The following ECT2 variants were observed in gnomAD, a reference collection of about 807,000 sequenced individuals.
The protein encoded by ECT2 is protein ECT2.
A neutral mutation model predicts 116.9 loss-of-function variants in ECT2; 61 were observed. The ratio of observed to expected loss-of-function variants is 0.52; its 90% confidence interval spans 0.42 to 0.65. The LOEUF (loss-of-function observed/expected upper bound fraction) is 0.65, where lower values mean the gene tolerates loss of function less well. ECT2 is among the 30% of genes least tolerant of loss of function. The probability of loss-of-function intolerance (pLI) is 0.00; values close to 1 mark genes in which losing one functional copy is unlikely to be tolerated. For missense variants in ECT2, 937 were observed against 1,078.7 expected (o/e 0.87, Z 1.84); for synonymous variants, 358 against 346.4 (o/e 1.03, Z -0.37).
intron 22 of ECT2, among the ~76,000 whole-genome samples, chr3:172,814,718 T>C (rs952859601): frequency 6.6e-6 from 1 of 152,160 alleles, no homozygotes; most frequent in Non-Finnish European, 1.5e-5. Flanking sequence ...AATGTGATGT[T>C]TTGATACATG....
chr3:172,825,566 G>C (rs1730821445), downstream of ECT2, among the ~76,000 whole-genome samples: 1 of 152,148 alleles, frequency 6.6e-6, no homozygotes, highest in African/African-American at 2.4e-5. Context: ...AAGAAAGTTT[G>C]AATGGTCTAG....
At chr3:172,827,133 C>T in the ECT2 span, among the ~76,000 whole-genome samples, 98 of 152,080 alleles carry the variant, frequency 6.4e-4, no homozygotes, top group Non-Finnish European at 1.2e-3. Context: ...GAACAAGCAC[C>T]GAGGGATGTT....
intron 1 of ECT2, among the ~76,000 whole-genome samples, chr3:172,753,963 T>C (rs575010679): frequency 6.6e-6 from 1 of 152,268 alleles, no homozygotes; most frequent in South Asian, 2.1e-4. Flanking sequence ...CTAAGGAAAC[T>C]GATGGTAAAG....
At chr3:172,777,316 G>A (rs1434726578) in intron 14 of ECT2, among the ~76,000 whole-genome samples, 1 of 152,110 alleles carries the variant, frequency 6.6e-6, no homozygotes, top group Non-Finnish European at 1.5e-5. Flanking sequence ...TTTACCCATT[G>A]TGTTTACACC....
chr3:172,828,900 T>G, the ECT2 span: 1 of 1,430,218 alleles, frequency 7.0e-7, no homozygotes, highest in Middle Eastern at 2.3e-4. Flanking sequence ...ATGATCAAGC[T>G]GCCAAACACA....
Position 172,784,746 on chromosome 3 carries a change from G to A in ECT2, c.1768G>A (p.Val590Ile), listed in dbSNP as rs758461325. The change falls in exon 17 of 25, where the codon GTT becomes ATT. Residue 590 changes from valine to isoleucine, a missense_variant. Transcript: ENST00000392692. ...ACCAGAATGTGGACGGCAGAGCCTT[G>A]TTGAACTTCTTATCCGACCAGTACA... is the stretch of plus-strand genomic sequence containing the variant. ...AKPECGRQSL[V>I]ELLIRPVQRL... 4 of 1,613,658 alleles carry A rather than the reference G, an allele frequency of 2.5e-6. No individual in the cohort carries two copies. Among genetic ancestry groups the A allele is most frequent in the East Asian group, 2.2e-5 (1 of 44,864 alleles).
intron 18 of ECT2, among the ~76,000 whole-genome samples, chr3:172,797,110 A>G (rs1007796889): frequency 6.8e-6 from 1 of 147,754 alleles, no homozygotes; most frequent in Admixed American, 6.8e-5. Flanking sequence ...ACTCACTGCA[A>G]CCTCCACTTC....
At chr3:172,755,220 C>A in intron 2 of ECT2, 75 bp from the exon 3 acceptor site, 6 of 1,151,714 alleles carry the variant, frequency 5.2e-6, no homozygotes, top group South Asian at 1.6e-5. Context: ...CTAGATATAG[C>A]CAAAAGAGCG....
chr3:172,801,705 G>T (rs1726751671), intron 18 of ECT2, among the ~76,000 whole-genome samples: 1 of 152,208 alleles, frequency 6.6e-6, no homozygotes, highest in African/African-American at 2.4e-5. Context: ...TTGCAGGGAA[G>T]AAACTTTCTT....
chr3:172,794,806 C>T (rs1469428871), intron 18 of ECT2, among the ~76,000 whole-genome samples: 1 of 152,148 alleles, frequency 6.6e-6, no homozygotes, highest in African/African-American at 2.4e-5. Flanking sequence ...TCTCCGCCTC[C>T]CGGGTTCAAG....
At chr3:172,776,578 A>G (rs183142281) in intron 14 of ECT2, among the ~76,000 whole-genome samples, 1 of 152,306 alleles carries the variant, frequency 6.6e-6, no homozygotes, top group East Asian at 1.9e-4. Context: ...TGAAACCGGT[A>G]CACACAGAGA....
rs1717156349 is a variant in ECT2, at chr3:172,757,165, G to A, written c.486G>A (p.Glu162=). 3 of 1,467,416 alleles carry A rather than the reference G, an allele frequency of 2.0e-6. No individual in the cohort carries two copies. The highest frequency in any genetic ancestry group is 1.5e-5 in the African/African-American group (1 of 68,328). The allele number at this position is 1,467,416 out of a possible 1,614,324, so 90.9% of individuals were successfully genotyped here. The change falls in exon 5 of 25, where the codon GAG becomes GAA. Residue 162 remains glutamate, a splice_region_variant and synonymous_variant. Transcript: ENST00000392692. Reference sequence around the variant, plus strand: ...TATTAAATTGTTCACAAAAAGGAGAGGTAAGCATATACATTTATTATGACT... The same window carrying A: ...TATTAAATTGTTCACAAAAAGGAGAAGTAAGCATATACATTTATTATGACT... ...PVVLNCSQKG[E]PLPFSCRPLY...
Position 172,755,493 on chromosome 3 carries a change from T to G in ECT2, c.221T>G (p.Ile74Arg). The G allele has an allele frequency of 1.3e-6, 2 of 1,505,330 alleles. No homozygotes were observed. Among genetic ancestry groups the G allele is most frequent in the Non-Finnish European group, 1.8e-6 (2 of 1,116,388 alleles). The allele number at this position is 1,505,330 out of a possible 1,614,324, so 93.2% of individuals were successfully genotyped here. A position where few individuals can be genotyped will look rare whatever the true frequency, so the allele number is the denominator to read the frequency against. ...ELIKALKTIK[I>R]MEVPVIKIKE... ...GTCTCTTTTCCACAGACTATTAAAA[T>G]AATGGAAGTCCCTGTTATAAAGATA... is the stretch of plus-strand genomic sequence containing the variant. Residue 74 changes from isoleucine (I) to arginine (R), a missense_variant, in exon 4 of 25, where the codon ATA becomes AGA. Coordinates refer to ENST00000392692, the MANE Select transcript of ECT2 (RefSeq NM_001258315.2).
chr3:172,760,732 T>G (rs1298624458), intron 7 of ECT2, among the ~76,000 whole-genome samples: 1 of 141,372 alleles, frequency 7.1e-6, no homozygotes, highest in Non-Finnish European at 1.5e-5. Flanking sequence ...TTTTTTTTTT[T>G]TTTTTTGAGA....
intron 23 of ECT2, among the ~76,000 whole-genome samples, chr3:172,816,389 G>A (rs1424152117): frequency 6.6e-6 from 1 of 152,106 alleles, no homozygotes. Context: ...AATGGAGGTT[G>A]AGGGGATTTT....
At chr3:172,794,939 T>G (rs1326827786) in intron 18 of ECT2, among the ~76,000 whole-genome samples, 3 of 152,070 alleles carry the variant, frequency 2.0e-5, no homozygotes, top group Non-Finnish European at 2.9e-5. Context: ...CTCGAACTCC[T>G]GACCTCAGAT....
chr3:172,813,839 CA>C (rs776206942), intron 22 of ECT2, among the ~76,000 whole-genome samples: 47 of 151,792 alleles, frequency 3.1e-4, no homozygotes, highest in African/African-American at 1.1e-3. Flanking sequence ...TCCTTTGAGA[CA>C]AAAAATTACA....
intron 1 of ECT2, among the ~76,000 whole-genome samples, chr3:172,752,954 T>C (rs1280327720): frequency 6.6e-6 from 1 of 152,224 alleles, no homozygotes; most frequent in Non-Finnish European, 1.5e-5. Context: ...GGTATTTGTA[T>C]ATTTTATTAA....
chr3:172,762,975 A>T lies in ECT2; in HGVS notation c.1068+3A>T, dbSNP rs200063253. The stretch of plus-strand genomic sequence containing the variant: ...AAACTATGTATTTATATGAAAAGGT[A>T]TGCTTTTAACCCCTTACTTATTTGT... On this transcript the variant is annotated splice_donor_region_variant and intron_variant, in intron 11 of 24. Transcript: ENST00000392692. 1.9e-5 allele frequency: 30 copies of T among 1,613,734 alleles called. No homozygotes were observed. Among genetic ancestry groups the T allele is most frequent in the Non-Finnish European group, 2.5e-5 (30 of 1,179,718 alleles).
Sources: allele counts gnomAD v4.1 joint callset (sites outside exome capture counted in the v4.1 genomes callset), GRCh38; gene constraint gnomAD v4.1.1; transcripts MANE v1.5; gene names NCBI Gene and HGNC (gene_info 2026-07-23, HGNC 2026-07-21).